The following TNK2 variants were observed in gnomAD, a reference collection of about 807,000 sequenced individuals.
TNK2 encodes tyrosine kinase non receptor 2.
A neutral mutation model predicts 101.8 loss-of-function variants in TNK2; 83 were observed. The ratio of observed to expected loss-of-function variants is 0.82; its 90% CI spans 0.68 to 0.98. TNK2 has a LOEUF of 0.98. TNK2 is among the 50% of genes least tolerant of loss of function. The probability of loss-of-function intolerance (pLI) is 0.00; values close to 1 mark genes in which losing one functional copy is unlikely to be tolerated. For missense variants in TNK2, 1,665 were observed against 1,483.2 expected (o/e 1.12, Z -2.01); for synonymous variants, 804 against 633.0 (o/e 1.27, Z -4.06).
chr3:195,895,422 A>G, intron 1 of TNK2: 1 of 1,514,450 alleles, frequency 6.6e-7, no homozygotes, highest in South Asian at 1.2e-5. Flanking sequence ...AGCATCCTCC[A>G]GAAGTGCAGG....
intron 1 of TNK2, among the ~76,000 whole-genome samples, chr3:195,907,234 G>A (rs1201850147): frequency 2.0e-5 from 3 of 152,246 alleles, no homozygotes; most frequent in African/African-American, 7.2e-5. Flanking sequence ...CGTGGGCACA[G>A]CAGCTGAACT....
intron 4 of TNK2, chr3:195,884,123 G>A (rs1395473877): frequency 6.6e-6 from 1 of 152,144 alleles, no homozygotes; most frequent in African/African-American, 2.4e-5. Flanking sequence ...TCCCTGAGGG[G>A]AAAATGTTAA....
Position 195,867,510 on chromosome 3 carries a change from C to A in TNK2, c.2788G>T (p.Ala930Ser). 6.4e-7 allele frequency: 1 copy of A among 1,558,270 alleles called. No homozygotes were observed. Among genetic ancestry groups the A allele is most frequent in the Non-Finnish European group, 8.6e-7 (1 of 1,160,062 alleles). The change falls in exon 13 of 16, where the codon GCT becomes TCT. Residue 930 changes from alanine to serine, a missense_variant. Coordinates refer to ENST00000672887, the MANE Select transcript of TNK2 (RefSeq NM_001382273.1). ...AAGTTGGCCTTGGGGTCCAAGGCAG[C>A]CTGGGGCATCGGCCGCACGGTGGCC... is the stretch of plus-strand genomic sequence containing the variant. ...PTATVRPMPQ[A>S]ALDPKANFST...
intron 12 of TNK2, 114 bp downstream of exon 12, chr3:195,869,383 A>ACTCCCCC: frequency 9.5e-7 from 1 of 1,052,600 alleles, no homozygotes. Flanking sequence ...CTCACAGCAC[A>ACTCCCCC]CACCCACCCA....
At chr3:195,880,703 A>G (rs1295528629) in intron 6 of TNK2, among the ~76,000 whole-genome samples, 3 of 96,386 alleles carry the variant, frequency 3.1e-5, no homozygotes, top group Non-Finnish European at 2.0e-5. Context: ...AGGACACAGC[A>G]TCTATCCCTG....
At position 195,883,221 on chromosome 3, in the gene TNK2, T is replaced by C; in HGVS notation, c.545A>G (p.His182Arg). 6.2e-7 allele frequency: 1 copy of C among 1,609,806 alleles called. No homozygotes were observed. Among genetic ancestry groups the C allele is most frequent in the Non-Finnish European group, 8.5e-7 (1 of 1,179,256 alleles). ...GATGAGGTTTCGGTGGTCGAGCGAG[T>C]GCATGGCATTGACCTCCCGGATGAA... is the stretch of plus-strand genomic sequence containing the variant. The part of the protein sequence containing the change: ...DDFIREVNAM[H>R]SLDHRNLIRL... The change falls in exon 5 of 16, where the codon CAC (histidine) becomes CGC (arginine). Residue 182 changes from histidine to arginine, a missense_variant. His to Arg is a conservative substitution (Grantham distance 29). Coordinates refer to ENST00000672887, the MANE Select transcript of TNK2 (RefSeq NM_001382273.1).
intron 6 of TNK2, 121 bp downstream of exon 6, chr3:195,881,927 AGGC>A: frequency 8.3e-7 from 1 of 1,198,010 alleles, no homozygotes; most frequent in Non-Finnish European, 1.2e-6. Context: ...AGGGCACCCC[AGGC>A]TTAGAACAGA....
At chr3:195,876,172 C>T (rs1030011322) in intron 9 of TNK2, among the ~76,000 whole-genome samples, 21 of 152,190 alleles carry the variant, frequency 1.4e-4, no homozygotes, top group Admixed American at 3.9e-4. Context: ...TCCAAACGAG[C>T]CCCTGGGAAA....
rs767616697 is a variant in TNK2, at chr3:195,870,180, G to A, written c.1477C>T (p.Pro493Ser). The stretch of plus-strand genomic sequence containing the variant: ...AGTTCCACGCTCAGGAGGTCGGGGG[G>A]GTCCATGGGGTTTCCCAGATACAGT... Reference protein sequence around the residue: ...DELYLGNPMDPPDLLSVELST... With the variant: ...DELYLGNPMDSPDLLSVELST... The change falls in exon 11 of 16, where the codon CCC (proline) becomes TCC (serine). Residue 493 changes from proline to serine, a missense_variant. Physicochemically the swap from Pro to Ser is moderately conservative, Grantham distance 74. This residue lies in a region of TNK2 where 1,136 missense variants were observed against 894.9 expected (regional missense o/e 1.27). Transcript: ENST00000672887. 2 of 1,542,822 alleles carry A rather than the reference G, an allele frequency of 1.3e-6. No individual in the cohort carries two copies. Among genetic ancestry groups the A allele is most frequent in the Non-Finnish European group, 1.8e-6 (2 of 1,139,538 alleles).
chr3:195,873,460 G>C (rs1352893497), intron 9 of TNK2, among the ~76,000 whole-genome samples: 1 of 151,800 alleles, frequency 6.6e-6, no homozygotes, highest in African/African-American at 2.4e-5. Context: ...GTCTGGGCAG[G>C]CGGGGGCGGT....
chr3:195,876,797 T>C, intron 9 of TNK2: 1 of 360,172 alleles, frequency 2.8e-6, no homozygotes, highest in Non-Finnish European at 5.5e-6. Flanking sequence ...GAGCAGCCGC[T>C]CCCGGCCCCT....
intron 11 of TNK2, 154 bp from the exon 12 acceptor site, chr3:195,869,695 G>A: frequency 1.3e-6 from 1 of 769,764 alleles, no homozygotes; most frequent in Non-Finnish European, 2.2e-6. Flanking sequence ...CAAACGGGAG[G>A]CCGCAGGCGG....
Position 195,878,899 on chromosome 3 carries a change from G to GC in TNK2, c.1014+149dup, listed in dbSNP as rs746084281. On this transcript the variant is annotated intron_variant, in intron 7 of 15. Coordinates refer to ENST00000672887, the MANE Select transcript of TNK2 (RefSeq NM_001382273.1). The surrounding 1 kb of genome is among the most constrained non-coding windows in gnomAD (Gnocchi z 4.7). Reference sequence around the variant, plus strand: ...TACGGGGCGTGAGAGGAGACACGGGGCGTGGTGGGAGGCACGGGAAGTGGG... The same window carrying GC: ...TACGGGGCGTGAGAGGAGACACGGGGCCGTGGTGGGAGGCACGGGAAGTGGG... 1.1e-4 allele frequency: 135 copies of GC among 1,272,820 alleles called. No homozygotes were observed. The highest frequency in any genetic ancestry group is 1.4e-4 in the Non-Finnish European group (132 of 914,154). The allele number at this position is 1,272,820 out of a possible 1,614,324, so 78.8% of individuals were successfully genotyped here. A position where few individuals can be genotyped will look rare whatever the true frequency, so the allele number is the denominator to read the frequency against.
At position 195,886,928 on chromosome 3, in the gene TNK2, G is replaced by C. The variant is rs760184339; in HGVS notation, c.234+49C>G. 1.3e-6 allele frequency: 2 copies of C among 1,595,780 alleles called. No homozygotes were observed. The highest frequency in any genetic ancestry group is 1.7e-6 in the Non-Finnish European group (2 of 1,163,246). On this transcript the variant is annotated intron_variant, in intron 3 of 15. Transcript: ENST00000672887. The surrounding 1 kb of genome is among the most constrained non-coding windows in gnomAD (Gnocchi z 4.2). ...TTCCCAGGACCAGAAGCGGAGGGGG[G>C]CGTTCGAGGCTGCCCCCCTCCCACC...
chr3:195,872,287 G>A lies in TNK2; in HGVS notation c.1440C>T (p.Asp480=), dbSNP rs1653666399. ...CGCCCAGTACTCACTCGTCAATCCT[G>A]TCCGGGAAGCCCCAGCAGTGGCGGG... ...SDPRHCWGFP[D]RIDELYLGNP... Residue 480 remains aspartate (D), a synonymous_variant, in exon 10 of 16, where the codon GAC becomes GAT. Coordinates refer to ENST00000672887, the MANE Select transcript of TNK2 (RefSeq NM_001382273.1). 1.2e-6 allele frequency: 2 copies of A among 1,613,406 alleles called. No homozygotes were observed. Among genetic ancestry groups the A allele is most frequent in the Non-Finnish European group, 1.7e-6 (2 of 1,179,914 alleles).
At chr3:195,908,016 C>T (rs754364631) in intron 1 of TNK2, 1 of 152,360 alleles carries the variant, frequency 6.6e-6, no homozygotes, top group Non-Finnish European at 1.5e-5. Flanking sequence ...CTGTCACACT[C>T]ATCTCAGCTC....
At chr3:195,869,425 T>C in intron 12 of TNK2, 72 bp downstream of exon 12, 1 of 1,407,078 alleles carries the variant, frequency 7.1e-7, no homozygotes, top group Non-Finnish European at 9.8e-7. Flanking sequence ...CCAGGCTCTG[T>C]ACCTTCCAGG....
intron 9 of TNK2, among the ~76,000 whole-genome samples, chr3:195,876,123 T>A (rs1749095124): frequency 6.6e-6 from 1 of 152,010 alleles, no homozygotes; most frequent in Non-Finnish European, 1.5e-5. Context: ...CAACACCCGC[T>A]CTGTATGCGG....
intron 1 of TNK2, chr3:195,895,264 C>T (rs372371158): frequency 3.2e-6 from 5 of 1,558,552 alleles, no homozygotes; most frequent in Non-Finnish European, 4.3e-6. Context: ...CCTCCTCGCC[C>T]CCAGCCAGGC....
Sources: allele counts gnomAD v4.1 joint callset (sites outside exome capture counted in the v4.1 genomes callset), GRCh38; gene constraint gnomAD v4.1.1; regional missense constraint gnomAD v4.1.1; non-coding constraint Gnocchi (gnomAD v3.1); transcripts MANE v1.5; gene names NCBI Gene and HGNC (gene_info 2026-07-23, HGNC 2026-07-21).